The following TENM3 variants were observed in gnomAD, a reference collection of about 807,000 sequenced individuals.
TENM3 encodes the protein teneurin-3.
A neutral mutation model predicts 255.1 loss-of-function variants in TENM3; 63 were observed. The ratio of observed to expected loss-of-function variants is 0.25; its 90% confidence interval spans 0.20 to 0.30. The LOEUF (loss-of-function observed/expected upper bound fraction) is 0.30, where lower values mean the gene tolerates loss of function less well. TENM3 is among the 10% of genes least tolerant of loss of function. The pLI is 1.00. For missense variants in TENM3, 2,929 were observed against 3,461.1 expected, an observed-to-expected ratio of 0.85 and a Z score of 3.86; for synonymous variants, 1,306 against 1,322.3, an observed-to-expected ratio of 0.99 and a Z score of 0.27.
At chr4:181,473,832 AC>A in the TENM3 span, among the ~76,000 whole-genome samples, 62 of 66,682 alleles carry the variant, frequency 9.3e-4, no homozygotes, top group African/African-American at 2.3e-3. Flanking sequence ...ATATATGTAT[AC>A]TGTATATATA....
chr4:181,979,113 TA>T, the TENM3 span, among the ~76,000 whole-genome samples: 2 of 65,404 alleles, frequency 3.1e-5, no homozygotes, highest in Non-Finnish European at 6.1e-5. Context: ...TATATATATA[TA>T]TATATATATA....
chr4:181,521,892 C>T, the TENM3 span, among the ~76,000 whole-genome samples: 5 of 151,810 alleles, frequency 3.3e-5, no homozygotes, highest in East Asian at 5.8e-4. Context: ...GTCAGGAGAT[C>T]GAGACCATCC....
chr4:182,045,460 G>T, the TENM3 span, among the ~76,000 whole-genome samples: 10 of 151,148 alleles, frequency 6.6e-5, no homozygotes, highest in African/African-American at 2.2e-4. Context: ...CATAACCTAC[G>T]AAAGAACAGG....
chr4:181,631,780 A>G, the TENM3 span, among the ~76,000 whole-genome samples: 3,389 of 152,308 alleles, frequency 0.022, 62 homozygotes, highest in Admixed American at 0.059. Context: ...AGGATTACAC[A>G]GGGCATGTAC....
At chr4:181,851,496 C>T in the TENM3 span, among the ~76,000 whole-genome samples, 2 of 152,134 alleles carry the variant, frequency 1.3e-5, no homozygotes, top group African/African-American at 4.8e-5. Context: ...TAAAGATCTC[C>T]CATCTGTAGG....
chr4:181,734,056 G>A, the TENM3 span, among the ~76,000 whole-genome samples: 1 of 152,152 alleles, frequency 6.6e-6, no homozygotes, highest in East Asian at 1.9e-4. Flanking sequence ...TATACTGAAT[G>A]CCTAGAAGTG....
intron 3 of TENM3, among the ~76,000 whole-genome samples, chr4:182,402,243 TTAAA>T (rs1769259447): frequency 6.6e-6 from 1 of 152,222 alleles, no homozygotes; most frequent in Non-Finnish European, 1.5e-5. Flanking sequence ...TTTGCTATTC[TTAAA>T]TATTTTATTC....
At chr4:181,942,269 C>CT in the TENM3 span, among the ~76,000 whole-genome samples, 1,859 of 106,104 alleles carry the variant, frequency 0.018, 36 homozygotes, top group South Asian at 0.048. Context: ...GATGTTGGGC[C>CT]TTTTTTTTTT....
In TENM3 at chr4:182,503,654, C is replaced by T. The variant is rs76940319; in HGVS notation, c.512-97270C>T. On this transcript the variant is annotated intron_variant, in intron 3 of 27. Transcript: ENST00000511685. ...ATTTTTCTGGATTAGATGGTTTTCA[C>T]GGTAGAGGGCAGAAACTCAAGGGAG... Among the ~76,000 whole-genome samples the T allele has an allele frequency of 4.2e-3, 632 of 152,180 alleles. 11 individuals carry two copies. The East Asian group carries it at 0.047, about 11-fold the overall frequency.
At chr4:182,039,403 C>G in the TENM3 span, among the ~76,000 whole-genome samples, 2 of 152,116 alleles carry the variant, frequency 1.3e-5, no homozygotes, top group African/African-American at 4.8e-5. Context: ...TTGGGTTCAT[C>G]TCTAGCAGTT....
At chr4:182,273,163 T>A (rs991083960) in intron 1 of TENM3, among the ~76,000 whole-genome samples, 2 of 152,202 alleles carry the variant, frequency 1.3e-5, no homozygotes, top group African/African-American at 4.8e-5. Flanking sequence ...ACTAACACTG[T>A]TTGAACACAG....
chr4:182,561,066 G>C (rs2151970613), intron 3 of TENM3, among the ~76,000 whole-genome samples: 1 of 152,082 alleles, frequency 6.6e-6, no homozygotes, highest in Non-Finnish European at 1.5e-5. Context: ...GGCCTTTGCT[G>C]TTACTGTCTA....
the TENM3 span, among the ~76,000 whole-genome samples, chr4:181,555,149 G>A: frequency 6.6e-6 from 1 of 152,166 alleles, no homozygotes; most frequent in Non-Finnish European, 1.5e-5. Flanking sequence ...ATGGTAGGCA[G>A]ACCAAACACT....
At chr4:181,814,407 A>G in the TENM3 span, among the ~76,000 whole-genome samples, 1 of 152,214 alleles carries the variant, frequency 6.6e-6, no homozygotes, top group South Asian at 2.1e-4. Context: ...CTTAACAAAA[A>G]CACAAACTTT....
the TENM3 span, among the ~76,000 whole-genome samples, chr4:181,823,234 A>G: frequency 3.5e-3 from 540 of 152,318 alleles, 3 homozygotes; most frequent in African/African-American, 0.011. Context: ...GAACTGGGAT[A>G]TGTGAGGAAC....
the TENM3 span, among the ~76,000 whole-genome samples, chr4:182,110,113 C>CAAAAA: frequency 9.1e-6 from 1 of 109,652 alleles, no homozygotes; most frequent in African/African-American, 3.4e-5. Context: ...GACTCTGTCT[C>CAAAAA]AAAAAAAAAA....
the TENM3 span, among the ~76,000 whole-genome samples, chr4:181,882,705 T>G: frequency 2.0e-5 from 3 of 152,200 alleles, no homozygotes; most frequent in African/African-American, 7.2e-5. Flanking sequence ...TTCCATAAAA[T>G]TAATTCTAGG....
chr4:182,653,718 C>T (rs1048995922), intron 5 of TENM3, 53 bp from the exon 6 acceptor site: 27 of 1,528,106 alleles, frequency 1.8e-5, no homozygotes, highest in Non-Finnish European at 1.8e-5. Context: ...TAGCAATTGC[C>T]GTTGTAGCTG....
At chr4:182,759,107 T>A (rs1349746402) in intron 22 of TENM3, among the ~76,000 whole-genome samples, 1 of 152,262 alleles carries the variant, frequency 6.6e-6, no homozygotes, top group African/African-American at 2.4e-5. Flanking sequence ...TTGCAATTAC[T>A]TACCTTACAT....
Sources: allele counts gnomAD v4.1 joint callset (sites outside exome capture counted in the v4.1 genomes callset), GRCh38; gene constraint gnomAD v4.1.1; transcripts MANE v1.5; gene names NCBI Gene and HGNC (gene_info 2026-07-23, HGNC 2026-07-21).